Variants in ZMAT4 observed in about 807,000 individuals in gnomAD.
ZMAT4 encodes the protein zinc finger matrin-type 4.
In ZMAT4, 17 loss-of-function variants were observed where a neutral mutation model predicts 28.7. The ratio of observed to expected loss-of-function variants is 0.59; its 90% CI spans 0.41 to 0.89. The LOEUF is 0.89. Ranked by LOEUF, ZMAT4 falls within the 40% of genes least tolerant of loss-of-function variation. The probability of loss-of-function intolerance (pLI) is 0.00; values close to 1 mark genes in which losing one functional copy is unlikely to be tolerated. For missense variants in ZMAT4, 240 were observed against 283.8 expected, an observed-to-expected ratio of 0.85 and a Z score of 1.11; for synonymous variants, 117 against 109.2, an observed-to-expected ratio of 1.07 and a Z score of -0.44.
chr8:40,625,301 C>A (rs965771477), intron 5 of ZMAT4, among the ~76,000 whole-genome samples: 2 of 152,038 alleles, frequency 1.3e-5, no homozygotes. Flanking sequence ...CCCTAAGAAC[C>A]GGTTCCAATT....
intron 5 of ZMAT4, among the ~76,000 whole-genome samples, chr8:40,590,471 C>A (rs1804852129): frequency 6.6e-6 from 1 of 151,962 alleles, no homozygotes; most frequent in Non-Finnish European, 1.5e-5. Flanking sequence ...GTTTTGTTTA[C>A]CAGGCTGAAA....
intron 6 of ZMAT4, among the ~76,000 whole-genome samples, chr8:40,571,976 T>G (rs1030044815): frequency 1.3e-5 from 2 of 152,180 alleles, no homozygotes; most frequent in African/African-American, 4.8e-5. Flanking sequence ...CATTGAAAAT[T>G]CTACAAAGAA....
chr8:40,601,561 A>G (rs1805336912), intron 5 of ZMAT4, among the ~76,000 whole-genome samples: 1 of 133,270 alleles, frequency 7.5e-6, no homozygotes, highest in Non-Finnish European at 1.6e-5. Flanking sequence ...GAAAGAAAGA[A>G]AGAAGAAAGA....
intron 5 of ZMAT4, among the ~76,000 whole-genome samples, chr8:40,649,783 G>A (rs562817034): frequency 1.6e-4 from 24 of 151,224 alleles, no homozygotes; most frequent in East Asian, 7.8e-4. Flanking sequence ...ACTCAAAACC[G>A]CTCAACTACA....
chr8:40,883,856 C>G (rs1407472524), intron 1 of ZMAT4, among the ~76,000 whole-genome samples: 2 of 152,156 alleles, frequency 1.3e-5, no homozygotes, highest in African/African-American at 4.8e-5. Context: ...CAGCTCCAGG[C>G]CTGTAGGAAT....
chr8:40,676,426 T>G lies in ZMAT4; in HGVS notation c.350-1495A>C, dbSNP rs141299586. Among the ~76,000 whole-genome samples, 67 of 152,278 alleles carry G rather than the reference T, an allele frequency of 4.4e-4. 1 individual carries two copies. Among genetic ancestry groups the G allele is most frequent in the African/African-American group, 1.5e-3 (61 of 41,562 alleles). ...CCTAAAGCAGTATAGCAGCATCCTG[T>G]GTGTGTTCTTGGTCTCTGAGATGTA... On this transcript the variant is annotated intron_variant, in intron 4 of 6. Coordinates refer to ENST00000297737, the MANE Select transcript of ZMAT4 (RefSeq NM_024645.3).
intron 1 of ZMAT4, among the ~76,000 whole-genome samples, chr8:40,862,367 C>A (rs1340458236): frequency 7.7e-6 from 1 of 130,104 alleles, no homozygotes; most frequent in Non-Finnish European, 1.5e-5. Flanking sequence ...GGGAACTGAA[C>A]AATGAGATCA....
At chr8:40,545,412 G>A (rs1469343528) in intron 6 of ZMAT4, among the ~76,000 whole-genome samples, 1 of 152,132 alleles carries the variant, frequency 6.6e-6, no homozygotes, top group Non-Finnish European at 1.5e-5. Flanking sequence ...CAGTGTTATG[G>A]TAGAATTATG....
At chr8:40,607,022 C>T (rs1805615627) in intron 5 of ZMAT4, among the ~76,000 whole-genome samples, 1 of 150,436 alleles carries the variant, frequency 6.6e-6, no homozygotes, top group Non-Finnish European at 1.5e-5. Flanking sequence ...GTGTATTTTA[C>T]ATTTTTCCAA....
intron 2 of ZMAT4, among the ~76,000 whole-genome samples, chr8:40,821,625 A>G (rs1033937875): frequency 6.6e-6 from 1 of 152,152 alleles, no homozygotes; most frequent in African/African-American, 2.4e-5. Flanking sequence ...GCATTAACCC[A>G]TCTGTTTTGT....
chr8:40,706,269 T>G (rs891649103), intron 3 of ZMAT4, among the ~76,000 whole-genome samples: 1 of 152,148 alleles, frequency 6.6e-6, no homozygotes, highest in Admixed American at 6.6e-5. Context: ...TTAGACAGGA[T>G]GGTCTCAATC....
intron 5 of ZMAT4, among the ~76,000 whole-genome samples, chr8:40,642,474 C>T (rs145976279): frequency 1.3e-5 from 2 of 152,168 alleles, no homozygotes; most frequent in African/African-American, 4.8e-5. Flanking sequence ...TACTTCAGAC[C>T]ATTTGGCTGT....
intron 3 of ZMAT4, among the ~76,000 whole-genome samples, chr8:40,764,416 G>A (rs1813059825): frequency 6.6e-6 from 1 of 152,174 alleles, no homozygotes; most frequent in South Asian, 2.1e-4. Flanking sequence ...AGTAGAAATG[G>A]CAACAATAGA....
intron 1 of ZMAT4, among the ~76,000 whole-genome samples, chr8:40,877,402 G>T (rs1308841651): frequency 1.3e-5 from 2 of 152,180 alleles, no homozygotes; most frequent in Non-Finnish European, 2.9e-5. Flanking sequence ...TACATGAAAG[G>T]TATCTTCTTA....
At chr8:40,800,784 C>T (rs527918774) in intron 2 of ZMAT4, among the ~76,000 whole-genome samples, 42 of 151,908 alleles carry the variant, frequency 2.8e-4, no homozygotes, top group Non-Finnish European at 5.6e-4. Context: ...TGAATGCATA[C>T]ATCAGAAAAG....
At chr8:40,642,257 A>G (rs1445738582) in intron 5 of ZMAT4, among the ~76,000 whole-genome samples, 6 of 152,208 alleles carry the variant, frequency 3.9e-5, no homozygotes, top group Admixed American at 3.9e-4. Flanking sequence ...TAGAGGCCAT[A>G]AAAAAATTCA....
intron 2 of ZMAT4, among the ~76,000 whole-genome samples, chr8:40,821,723 G>T (rs566897765): frequency 6.6e-6 from 1 of 152,196 alleles, no homozygotes; most frequent in East Asian, 1.9e-4. Context: ...AATATGCCCT[G>T]ACCACCACCA....
rs545843128 is a variant in ZMAT4, at chr8:40,707,070, C to T, written c.193-9669G>A. The stretch of plus-strand genomic sequence containing the variant: ...GGATATGTCTACCTGTCTTTGTTCA[C>T]ATGGTTCACTCCAACTAGAAATGCC... On this transcript the variant is annotated intron_variant, in intron 3 of 6. Transcript: ENST00000297737. 7.2e-5 allele frequency among the ~76,000 whole-genome samples: 11 copies of T among 152,318 alleles called. No individual in the cohort carries two copies. The South Asian group carries it at 2.3e-3, about 32-fold the overall frequency.
At chr8:40,569,250 C>T (rs927880843) in intron 6 of ZMAT4, among the ~76,000 whole-genome samples, 41 of 152,176 alleles carry the variant, frequency 2.7e-4, no homozygotes, top group African/African-American at 9.4e-4. Flanking sequence ...CCTTCTCTCC[C>T]TACTTCCCCA....
Sources: gnomAD v4.1 joint callset for allele counts (sites outside exome capture counted in the v4.1 genomes callset) on GRCh38, gnomAD v4.1.1 for gene constraint, MANE v1.5 for transcripts, NCBI Gene and HGNC (gene_info 2026-07-23, HGNC 2026-07-21) for gene names.